The following GLCCI1 variants were observed in gnomAD, a reference collection of about 807,000 sequenced individuals.
GLCCI1 encodes the protein glucocorticoid induced 1.
Under a neutral mutation model 52.2 loss-of-function variants are expected in GLCCI1, and 24 were observed. The ratio of observed to expected loss-of-function variants is 0.46; its 90% CI spans 0.33 to 0.65. The LOEUF (loss-of-function observed/expected upper bound fraction) is 0.65, where lower values mean the gene tolerates loss of function less well. Among genes scored for constraint, GLCCI1 ranks in the 30% least tolerant of loss-of-function variants. The probability of loss-of-function intolerance (pLI) is 0.02; values close to 1 mark genes in which losing one functional copy is unlikely to be tolerated. For missense variants in GLCCI1, 704 were observed against 701.5 expected (o/e 1.00, Z -0.04); for synonymous variants, 310 against 276.5 (o/e 1.12, Z -1.20).
At chr7:8,002,023 C>A (rs1239798251) in intron 1 of GLCCI1, among the ~76,000 whole-genome samples, 1 of 151,934 alleles carries the variant, frequency 6.6e-6, no homozygotes, top group African/African-American at 2.4e-5. Context: ...TGCAGCAAAC[C>A]AACATGGCAC....
chr7:8,052,904 A>G (rs562596936), intron 3 of GLCCI1, among the ~76,000 whole-genome samples: 50 of 152,222 alleles, frequency 3.3e-4, no homozygotes, highest in Middle Eastern at 3.4e-3. Context: ...TCCCTGCTCT[A>G]TGGTGGAATA....
intron 1 of GLCCI1, among the ~76,000 whole-genome samples, chr7:7,997,205 CT>C (rs954989406): frequency 9.3e-5 from 14 of 150,888 alleles, no homozygotes; most frequent in South Asian, 2.1e-4. Flanking sequence ...ATTTTGTTAC[CT>C]TTTTTTTTAA....
chr7:8,035,551 G>T (rs1192696958), intron 3 of GLCCI1, among the ~76,000 whole-genome samples: 1 of 152,112 alleles, frequency 6.6e-6, no homozygotes, highest in East Asian at 1.9e-4. Context: ...GTGAAAGGTG[G>T]GGCACCTCCC....
intron 3 of GLCCI1, among the ~76,000 whole-genome samples, chr7:8,050,091 G>A (rs1349748053): frequency 6.6e-6 from 1 of 152,190 alleles, no homozygotes; most frequent in Non-Finnish European, 1.5e-5. Flanking sequence ...GGTGCGTGGT[G>A]TGTGGAATCT....
At chr7:8,010,819 A>G (rs976978509) in intron 2 of GLCCI1, among the ~76,000 whole-genome samples, 2 of 152,194 alleles carry the variant, frequency 1.3e-5, no homozygotes, top group Non-Finnish European at 2.9e-5. Context: ...GTTTAGACAT[A>G]TACACACAGA....
At chr7:7,979,388 T>C (rs1421678573) in intron 1 of GLCCI1, among the ~76,000 whole-genome samples, 2 of 152,142 alleles carry the variant, frequency 1.3e-5, no homozygotes, top group Non-Finnish European at 2.9e-5. Context: ...TTCAGAAATA[T>C]GCTATTGTCA....
At chr7:7,976,507 A>AAAAAAAAAAGG (rs1562413233) in intron 1 of GLCCI1, among the ~76,000 whole-genome samples, 1 of 146,180 alleles carries the variant, frequency 6.8e-6, no homozygotes, top group Non-Finnish European at 1.5e-5. Flanking sequence ...AAGGAAAGGA[A>AAAAAAAAAAGG]AAAGGAAAGG....
At chr7:7,995,480 A>C (rs906297298) in intron 1 of GLCCI1, among the ~76,000 whole-genome samples, 1 of 152,224 alleles carries the variant, frequency 6.6e-6, no homozygotes, top group Admixed American at 6.5e-5. Flanking sequence ...ACTGCACTCT[A>C]GTCTGGGTGA....
chr7:7,973,406 T>TTGTGTG (rs1190596785), intron 1 of GLCCI1, among the ~76,000 whole-genome samples: 23 of 83,984 alleles, frequency 2.7e-4, no homozygotes, highest in African/African-American at 1.0e-3. Flanking sequence ...ATGCAAATCT[T>TTGTGTG]TGTGTGCGTG....
intron 5 of GLCCI1, 35 bp from the exon 6 acceptor site, chr7:8,070,886 C>T: frequency 1.9e-6 from 3 of 1,554,944 alleles, no homozygotes; most frequent in Non-Finnish European, 2.7e-6. Context: ...ATATATGCAC[C>T]AGCATTTGGA....
chr7:8,041,444 TG>T (rs1781996539), intron 3 of GLCCI1, among the ~76,000 whole-genome samples: 1 of 152,238 alleles, frequency 6.6e-6, no homozygotes, highest in South Asian at 2.1e-4. Context: ...AGATCATTGA[TG>T]AAAGTGGCTA....
At chr7:8,033,041 G>A (rs1383746469) in intron 3 of GLCCI1, among the ~76,000 whole-genome samples, 1 of 151,696 alleles carries the variant, frequency 6.6e-6, no homozygotes, top group Non-Finnish European at 1.5e-5. Flanking sequence ...ATAAATAAGA[G>A]GGATTATATA....
intron 2 of GLCCI1, among the ~76,000 whole-genome samples, chr7:8,016,858 A>G (rs1233730280): frequency 5.9e-5 from 9 of 152,218 alleles, no homozygotes; most frequent in Non-Finnish European, 1.5e-5. Flanking sequence ...ATATAATAAT[A>G]TGGAATTAAG....
intron 2 of GLCCI1, among the ~76,000 whole-genome samples, chr7:8,006,041 A>C (rs964631464): frequency 1.6e-4 from 24 of 152,104 alleles, no homozygotes; most frequent in African/African-American, 5.8e-4. Flanking sequence ...AAGGTGACCC[A>C]CCTGTCTTAG....
rs141424932 is a variant in GLCCI1 at position 8,000,449 on chromosome 7, A to G, written c.458-3459A>G. On this transcript the variant is annotated intron_variant, in intron 1 of 7. Transcript: ENST00000223145. Reference sequence around the variant, plus strand: ...AGAAACAAACAATAAAACAGAAAGCAATTAGCAAGGAACATTCCAAAATAG... The same window carrying G: ...AGAAACAAACAATAAAACAGAAAGCGATTAGCAAGGAACATTCCAAAATAG... 1.9e-3 allele frequency among the ~76,000 whole-genome samples: 294 copies of G among 152,328 alleles called. 3 individuals carry two copies. Among genetic ancestry groups the G allele is most frequent in the East Asian group, 0.017 (89 of 5,194 alleles).
At chr7:8,078,208 T>TAAAAA (rs5882151) in intron 6 of GLCCI1, among the ~76,000 whole-genome samples, 6 of 86,200 alleles carry the variant, frequency 7.0e-5, no homozygotes, top group East Asian at 3.1e-4. Flanking sequence ...GACTCCGTCT[T>TAAAAA]AAAAAAAAAA....
intron 6 of GLCCI1, chr7:8,078,770 G>A (rs1303333830): frequency 6.6e-6 from 1 of 152,070 alleles, no homozygotes; most frequent in Admixed American, 6.6e-5. Flanking sequence ...GAGGAGATCA[G>A]GATAACAGCA....
At chr7:7,976,503 AG>A (rs1562413227) in intron 1 of GLCCI1, among the ~76,000 whole-genome samples, 27 of 138,036 alleles carry the variant, frequency 2.0e-4, no homozygotes, top group African/African-American at 5.3e-4. Context: ...AAAAAAGGAA[AG>A]GAAAAAGGAA....
At position 8,088,380 on chromosome 7, in the gene GLCCI1, A is replaced by T. The variant is rs1296295942; in HGVS notation, c.*1842A>T. ...TGGCTCCTTTAAATTAGTCAGTGTTATATTGTAGGAGACTGTCATGGAAAA... is the reference window on the plus strand; with the variant it reads ...TGGCTCCTTTAAATTAGTCAGTGTTTTATTGTAGGAGACTGTCATGGAAAA... On this transcript the variant is annotated 3_prime_UTR_variant, in exon 8 of 8. Transcript: ENST00000223145. 1 of 152,426 alleles carries T rather than the reference A, an allele frequency of 6.6e-6. No homozygotes were observed. Among genetic ancestry groups the T allele is most frequent in the Non-Finnish European group, 1.5e-5 (1 of 67,996 alleles). 9.4% of individuals were successfully genotyped at this position (152,426 alleles called of 1,614,324 possible).
Sources: allele counts gnomAD v4.1 joint callset (sites outside exome capture counted in the v4.1 genomes callset), GRCh38; gene constraint gnomAD v4.1.1; transcripts MANE v1.5; gene names NCBI Gene and HGNC (gene_info 2026-07-23, HGNC 2026-07-21).